Variants in PPP6R3 observed in about 807,000 individuals in gnomAD.
PPP6R3 encodes serine/threonine-protein phosphatase 6 regulatory subunit 3.
A neutral mutation model predicts 110.7 loss-of-function variants in PPP6R3; 38 were observed. The ratio of observed to expected loss-of-function variants is 0.34; its 90% CI spans 0.26 to 0.45. The LOEUF (loss-of-function observed/expected upper bound fraction) is 0.45. Among genes scored for constraint, PPP6R3 ranks in the 20% least tolerant of loss-of-function variants. PPP6R3 has a pLI of 1.00. For missense variants in PPP6R3, 870 were observed against 1,062.4 expected (o/e 0.82, Z 2.52); for synonymous variants, 369 against 373.5 (o/e 0.99, Z 0.14).
chr11:68,599,529 G>A (rs746335352), intron 19 of PPP6R3, among the ~76,000 whole-genome samples: 2 of 152,250 alleles, frequency 1.3e-5, no homozygotes, highest in South Asian at 2.1e-4. Flanking sequence ...CAGGGAGCCC[G>A]CAGAATGGGC....
At chr11:68,594,474 T>C (rs187806760) in intron 18 of PPP6R3, among the ~76,000 whole-genome samples, 115 of 152,266 alleles carry the variant, frequency 7.6e-4, no homozygotes, top group Admixed American at 5.6e-3. Flanking sequence ...TCGAGGAACA[T>C]AGGGAGACCC....
chr11:68,573,111 ATT>A (rs1413320923), intron 12 of PPP6R3, among the ~76,000 whole-genome samples: 125 of 35,324 alleles, frequency 3.5e-3, no homozygotes, highest in African/African-American at 0.014. Context: ...GAGTTTACTT[ATT>A]TTATATATAT....
chr11:68,538,437 G>A (rs2099283085), intron 3 of PPP6R3, among the ~76,000 whole-genome samples: 1 of 152,088 alleles, frequency 6.6e-6, no homozygotes, highest in South Asian at 2.1e-4. Context: ...ACAAACCCCT[G>A]GAAACTCTCC....
In PPP6R3 at chr11:68,529,215, GGT is replaced by G. The variant is rs142081470; in HGVS notation, c.-6-8429_-6-8428del. ...TCTCAGAGATATGTACCTGTTTTTG[GGT>G]GTGTGTGTGTGTGTTTTTCCAGATG... On this transcript the variant is annotated intron_variant, in intron 2 of 23. Transcript: ENST00000393800. Among the ~76,000 whole-genome samples the G allele has an allele frequency of 3.0e-3, 453 of 151,248 alleles. 3 individuals carry two copies. Among genetic ancestry groups the G allele is most frequent in the Middle Eastern group, 0.01 (3 of 292 alleles).
chr11:68,504,879 T>C (rs961758386), intron 1 of PPP6R3, among the ~76,000 whole-genome samples: 50 of 152,186 alleles, frequency 3.3e-4, no homozygotes, highest in Non-Finnish European at 1.3e-4. Flanking sequence ...AATGAAAAAC[T>C]AGGCACGTGC....
intron 1 of PPP6R3, among the ~76,000 whole-genome samples, chr11:68,492,520 A>G (rs1174769816): frequency 6.6e-6 from 1 of 152,204 alleles, no homozygotes; most frequent in Non-Finnish European, 1.5e-5. Context: ...TTATCCATCA[A>G]TGGACACTAC....
chr11:68,612,280 T>A (rs1311925200), intron 23 of PPP6R3, among the ~76,000 whole-genome samples: 1 of 152,204 alleles, frequency 6.6e-6, no homozygotes, highest in East Asian at 1.9e-4. Flanking sequence ...GAGCTGACTT[T>A]TTGGCTCACT....
At chr11:68,507,861 A>G (rs1195597241) in intron 1 of PPP6R3, among the ~76,000 whole-genome samples, 1 of 152,178 alleles carries the variant, frequency 6.6e-6, no homozygotes, top group Non-Finnish European at 1.5e-5. Context: ...TGCAATAGCT[A>G]TGATTTCCTC....
At chr11:68,495,838 GATAC>G (rs1212304387) in intron 1 of PPP6R3, among the ~76,000 whole-genome samples, 1 of 152,124 alleles carries the variant, frequency 6.6e-6, no homozygotes, top group Non-Finnish European at 1.5e-5. Flanking sequence ...AATTCTCTTG[GATAC>G]ATACCTAGGA....
intron 1 of PPP6R3, among the ~76,000 whole-genome samples, chr11:68,502,835 T>C (rs2099055205): frequency 6.6e-6 from 1 of 152,246 alleles, no homozygotes; most frequent in African/African-American, 2.4e-5. Flanking sequence ...GCTTGTGAGA[T>C]AACCAAAGGG....
intron 12 of PPP6R3, 132 bp downstream of exon 12, chr11:68,571,236 C>G: frequency 8.2e-7 from 1 of 1,222,962 alleles, no homozygotes; most frequent in Non-Finnish European, 1.1e-6. Flanking sequence ...TAAACTTTTC[C>G]CCAGATTATT....
chr11:68,508,663 G>A (rs1260045027), intron 1 of PPP6R3, among the ~76,000 whole-genome samples: 1 of 152,180 alleles, frequency 6.6e-6, no homozygotes, highest in African/African-American at 2.4e-5. Flanking sequence ...TGGTGTTTTA[G>A]TCCAAAGCAG....
chr11:68,485,371 T>C (rs942038837), intron 1 of PPP6R3, among the ~76,000 whole-genome samples: 3 of 152,054 alleles, frequency 2.0e-5, no homozygotes, highest in African/African-American at 7.2e-5. Flanking sequence ...CTGTATACTT[T>C]TTATTTCCTT....
chr11:68,465,311 C>G (rs747639746), intron 1 of PPP6R3, among the ~76,000 whole-genome samples: 1 of 152,172 alleles, frequency 6.6e-6, no homozygotes. Flanking sequence ...GTGATCCTGC[C>G]CACTGGTAAG....
chr11:68,600,529 CG>C (rs777544927), intron 20 of PPP6R3, 35 bp downstream of exon 20: 1 of 1,581,360 alleles, frequency 6.3e-7, no homozygotes. Context: ...CACCCTTCCA[CG>C]GGGGACCTGG....
chr11:68,601,821 C>A, intron 20 of PPP6R3, 42 bp from the exon 21 acceptor site: 1 of 1,506,346 alleles, frequency 6.6e-7, no homozygotes, highest in South Asian at 1.2e-5. Flanking sequence ...AACTGAGGAC[C>A]ATTCCCTGCT....
intron 1 of PPP6R3, among the ~76,000 whole-genome samples, chr11:68,477,741 A>ATATATATATATATATAT (rs1555021448): frequency 3.5e-4 from 20 of 57,902 alleles, no homozygotes; most frequent in African/African-American, 1.0e-3. Flanking sequence ...AAAAAAAAAA[A>ATATATATATATATATAT]ATATATATAT....
At chr11:68,532,322 G>A (rs575054235) in intron 2 of PPP6R3, among the ~76,000 whole-genome samples, 1 of 152,154 alleles carries the variant, frequency 6.6e-6, no homozygotes, top group African/African-American at 2.4e-5. Context: ...CTTGTCTTAC[G>A]TTACAGGAAG....
At chr11:68,605,113 A>G (rs1263282830) in intron 22 of PPP6R3, among the ~76,000 whole-genome samples, 4 of 152,174 alleles carry the variant, frequency 2.6e-5, no homozygotes, top group Non-Finnish European at 5.9e-5. Context: ...GATTAGGCAG[A>G]CAGATTGCTT....
Sources: gnomAD v4.1 joint callset for allele counts (sites outside exome capture counted in the v4.1 genomes callset) on GRCh38, gnomAD v4.1.1 for gene constraint, MANE v1.5 for transcripts, NCBI Gene and HGNC (gene_info 2026-07-23, HGNC 2026-07-21) for gene names.